Variants in KHNYN observed in about 807,000 individuals in gnomAD.
KHNYN encodes protein KHNYN.
In KHNYN, 42 loss-of-function variants were observed where a neutral mutation model predicts 62.7. The observed-to-expected ratio is 0.67, with a 90% CI of 0.52 to 0.87. The LOEUF is 0.87. Ranked by LOEUF, KHNYN falls within the 40% of genes least tolerant of loss-of-function variation. KHNYN has a pLI of 0.00. For missense variants in KHNYN, 829 were observed against 874.1 expected (o/e 0.95, Z 0.65); for synonymous variants, 347 against 345.6 (o/e 1.00, Z -0.04).
upstream of KHNYN, among the ~76,000 whole-genome samples, chr14:24,424,581 T>C (rs2043002583): frequency 6.6e-6 from 1 of 152,202 alleles, no homozygotes; most frequent in African/African-American, 2.4e-5. Flanking sequence ...TCCTGGCTTA[T>C]CTGGGTGGGC....
intron 5 of KHNYN, chr14:24,434,163 C>A (rs1247392051): frequency 5.1e-6 from 5 of 984,874 alleles, no homozygotes; most frequent in Admixed American, 6.1e-5. Context: ...AGAATTGAAA[C>A]TGAAGATTGA....
chr14:24,423,683 G>A, the KHNYN span, among the ~76,000 whole-genome samples: 30 of 152,346 alleles, frequency 2.0e-4, no homozygotes, highest in African/African-American at 7.2e-4. Context: ...AAGAGTTAGA[G>A]GATTGAGGAT....
chr14:24,430,149 GC>G (rs2043077245), intron 1 of KHNYN, 30 bp downstream of exon 1: 1 of 983,010 alleles, frequency 1.0e-6, no homozygotes, highest in Admixed American at 6.2e-5. Flanking sequence ...GCGCCCGGGA[GC>G]GGGGAGCGGG....
upstream of KHNYN, among the ~76,000 whole-genome samples, chr14:24,425,980 C>T (rs2043016425): frequency 6.6e-6 from 1 of 152,208 alleles, no homozygotes; most frequent in Non-Finnish European, 1.5e-5. Flanking sequence ...ATGTACCTTG[C>T]AAATAGACAA....
At chr14:24,434,396 C>T (rs1294128274) in intron 5 of KHNYN, 1 of 983,978 alleles carries the variant, frequency 1.0e-6, no homozygotes, top group African/African-American at 1.7e-5. Context: ...CATAAGTGTA[C>T]CATATAATTT....
At position 24,440,943 on chromosome 14, in the gene KHNYN, A is replaced by G. The variant is rs1272099586; in HGVS notation, c.*3658A>G. On this transcript the variant is annotated 3_prime_UTR_variant, in exon 8 of 8. Transcript: ENST00000553935. The stretch of plus-strand genomic sequence containing the variant: ...GGTAGTAAGCTGCCGGTGGAACACA[A>G]TCATTTGCCCTGGGTGTCCTTGGTC... 6.2e-6 allele frequency: 10 copies of G among 1,613,872 alleles called. No individual in the cohort carries two copies. Among genetic ancestry groups the G allele is most frequent in the Non-Finnish European group, 7.6e-6 (9 of 1,179,868 alleles).
rs1566507075 is a variant in KHNYN at position 24,441,008 on chromosome 14, C to T, written c.*3723C>T. 2 of 1,421,906 alleles carry T rather than the reference C, an allele frequency of 1.4e-6. No homozygotes were observed. Among genetic ancestry groups the T allele is most frequent in the Non-Finnish European group, 2.0e-6 (2 of 1,013,712 alleles). 88.1% of individuals were successfully genotyped at this position (1,421,906 alleles called of 1,614,324 possible). A position where few individuals can be genotyped will look rare whatever the true frequency, so the allele number is the denominator to read the frequency against. On this transcript the variant is annotated 3_prime_UTR_variant, in exon 8 of 8. Transcript: ENST00000553935. ...GTAGTGGAGGCTCCCCTTGGCCTCACCTTCTCTGGCCCTTAGGATCTCCCC... is the reference window on the plus strand; with the variant it reads ...GTAGTGGAGGCTCCCCTTGGCCTCATCTTCTCTGGCCCTTAGGATCTCCCC...
In KHNYN at chr14:24,432,884, A is replaced by G; in HGVS notation, c.1480+32A>G. On this transcript the variant is annotated intron_variant, in intron 4 of 7. Coordinates refer to ENST00000553935, the MANE Select transcript of KHNYN (RefSeq NM_015299.3). The surrounding 1 kb of genome is among the most constrained non-coding windows in gnomAD (Gnocchi z 5.6). ...TGGGCCTGGTCTTCAGTGTCCCAGG[A>G]TAGGCTCTGTTTCCACTTTGAGGAG... The G allele has an allele frequency of 1.2e-6, 2 of 1,614,128 alleles. No individual in the cohort carries two copies. The highest frequency in any genetic ancestry group is 1.7e-6 in the Non-Finnish European group (2 of 1,179,958).
rs1284844571 is a variant in KHNYN at position 24,437,339 on chromosome 14, A to C, written c.*54A>C. On this transcript the variant is annotated 3_prime_UTR_variant, in exon 8 of 8. Coordinates refer to ENST00000553935, the MANE Select transcript of KHNYN (RefSeq NM_015299.3). The surrounding 1 kb of genome is among the most constrained non-coding windows in gnomAD (Gnocchi z 5.5). ...TGTCAGCTCCAGCCGCCTCCAGCTCAGCCCTTTCTGTGAGAGTCCCTCTGC... is the reference window on the plus strand; with the variant it reads ...TGTCAGCTCCAGCCGCCTCCAGCTCCGCCCTTTCTGTGAGAGTCCCTCTGC... The C allele has an allele frequency of 8.9e-6, 14 of 1,568,644 alleles. No individual in the cohort carries two copies. In the East Asian group the frequency reaches 2.9e-4, roughly 33 times the overall value.
chr14:24,440,301 A>T lies in KHNYN; in HGVS notation c.*3016A>T. On this transcript the variant is annotated 3_prime_UTR_variant, in exon 8 of 8. Transcript: ENST00000553935. The stretch of plus-strand genomic sequence containing the variant: ...TGGGCAAACTCAGCATTAGTGGCGG[A>T]GGATGGAGCCACTCCATTCAGGACC... The T allele has an allele frequency of 6.2e-7, 1 of 1,613,834 alleles. No individual in the cohort carries two copies. Among genetic ancestry groups the T allele is most frequent in the Non-Finnish European group, 8.5e-7 (1 of 1,179,806 alleles).
At position 24,431,773 on chromosome 14, in the gene KHNYN, C is replaced by CG; in HGVS notation, c.517dup (p.Asp173GlyfsTer4). Reference sequence around the variant, plus strand: ...GACTTCTCTGCCCTGCTGCAGTCCCCGGGGGATGCCCATAGAGAGGCTCTG... The same window carrying CG: ...GACTTCTCTGCCCTGCTGCAGTCCCCGGGGGGATGCCCATAGAGAGGCTCTG... On this transcript the variant is annotated frameshift_variant, in exon 3 of 8. Coordinates refer to ENST00000553935, the MANE Select transcript of KHNYN (RefSeq NM_015299.3). LOFTEE classifies it high-confidence loss of function. 3 of 1,614,166 alleles carry CG rather than the reference C, an allele frequency of 1.9e-6. No individual in the cohort carries two copies. Among genetic ancestry groups the CG allele is most frequent in the Non-Finnish European group, 2.5e-6 (3 of 1,180,044 alleles).
rs139090216 is a variant in KHNYN at position 24,431,431 on chromosome 14, A to G, written c.202-32A>G. The G allele has an allele frequency of 1.7e-4, 258 of 1,526,226 alleles. No homozygotes were observed. In the African/African-American group the frequency reaches 3.3e-3, roughly 19 times the overall value. 94.5% of individuals were successfully genotyped at this position (1,526,226 alleles called of 1,614,324 possible). On this transcript the variant is annotated intron_variant, in intron 2 of 7. Transcript: ENST00000553935. ...AGGGGTGATCTGGGCCAGTTAGTTT[A>G]CTTTTCCTGACCTTCCCTTCCTCCC...
chr14:24,435,806 T>C lies in KHNYN; in HGVS notation c.1578-266T>C, dbSNP rs2043195750. 5 of 494,894 alleles carry C rather than the reference T, an allele frequency of 1.0e-5. No individual in the cohort carries two copies. The Admixed American group carries it at 1.7e-4, about 17-fold the overall frequency. The allele number at this position is 494,894 out of a possible 1,614,324, so 30.7% of individuals were successfully genotyped here. The stretch of plus-strand genomic sequence containing the variant: ...TGCCTGTAGCTGGGTCAAGGTGAGG[T>C]AGGGGGCCAGATCTCCATCACCAGA... On this transcript the variant is annotated intron_variant, in intron 5 of 7. Transcript: ENST00000553935.
upstream of KHNYN, among the ~76,000 whole-genome samples, chr14:24,425,755 C>T (rs910494425): frequency 5.9e-5 from 9 of 152,194 alleles, no homozygotes; most frequent in African/African-American, 1.7e-4. Context: ...AGGAGATGAA[C>T]GATCAAGCCT....
chr14:24,432,495 G>A lies in KHNYN; in HGVS notation c.1234G>A (p.Gly412Ser), dbSNP rs1409540874. ...RGARGGNLVTGTQRFKEALQD... is the reference protein window; with the variant it reads ...RGARGGNLVTSTQRFKEALQD... ...CGCCCGAGGGGGCAACTTGGTGACT[G>A]GCACACAGCGTTTCAAGGAGGCCCT... The change falls in exon 3 of 8, where the codon GGC becomes AGC. Residue 412 changes from glycine (G) to serine (S), a missense_variant. Around this residue, in one of 2 missense-constraint regions of KHNYN, gnomAD observed 270 missense variants for 347.1 expected, o/e 0.78. Transcript: ENST00000553935. This position sits in a 1 kb window ranked among gnomAD's most constrained non-coding sequence, Gnocchi z 5.6. 1.9e-6 allele frequency: 3 copies of A among 1,613,690 alleles called. No homozygotes were observed. The highest frequency in any genetic ancestry group is 4.5e-5 in the East Asian group (2 of 44,880).
rs909868325 is a variant in KHNYN at position 24,440,521 on chromosome 14, G to A, written c.*3236G>A. The A allele has an allele frequency of 1.3e-6, 2 of 1,580,308 alleles. No homozygotes were observed. The highest frequency in any genetic ancestry group is 1.7e-4 in the Middle Eastern group (1 of 6,030). ...GAGCAGGAAAGAGGGAAGGTACAGG[G>A]GTCCTCTCAGCCTTGAAGGAGCCCA... On this transcript the variant is annotated 3_prime_UTR_variant, in exon 8 of 8. Transcript: ENST00000553935.
chr14:24,428,574 C>CTGCG (rs1383251489), upstream of KHNYN, among the ~76,000 whole-genome samples: 2 of 150,504 alleles, frequency 1.3e-5, no homozygotes. Context: ...AAGGAGAGGG[C>CTGCG]TGCGTATGGG....
upstream of KHNYN, chr14:24,428,473 T>A: frequency 6.3e-7 from 1 of 1,579,614 alleles, no homozygotes. Context: ...CCATGGGGAC[T>A]AGGGGCAGGG....
At chr14:24,426,456 C>T (rs1253865806), upstream of KHNYN, 1 of 152,122 alleles carries the variant, frequency 6.6e-6, no homozygotes, top group Non-Finnish European at 1.5e-5. Flanking sequence ...GGATTAGTGA[C>T]AGTTCAAAAA....
Sources: gnomAD v4.1 joint callset for allele counts (sites outside exome capture counted in the v4.1 genomes callset) on GRCh38, gnomAD v4.1.1 for gene constraint, gnomAD v4.1.1 regional missense constraint, Gnocchi (gnomAD v3.1) non-coding constraint, MANE v1.5 for transcripts, NCBI Gene and HGNC (gene_info 2026-07-23, HGNC 2026-07-21) for gene names.